Variants in RPP38 observed in about 807,000 individuals in gnomAD.
The protein encoded by RPP38 is ribonuclease P/MRP subunit p38, also known as ribonuclease P protein subunit p38.
In RPP38, 2 loss-of-function variants were observed where a neutral mutation model predicts 1.7. The ratio of observed to expected loss-of-function variants is 1.18; its 90% CI spans 0.48 to 3.70. RPP38 has a LOEUF of 3.70. Ranked by LOEUF, RPP38 falls within the 30% of genes most tolerant of loss-of-function variation. The pLI, the probability that RPP38 is intolerant of heterozygous loss-of-function variation, is 0.07. For synonymous variants in RPP38, 151 were observed against 131.8 expected, an observed-to-expected ratio of 1.15 and a Z score of -1.00; for missense variants, 358 against 340.1, an observed-to-expected ratio of 1.05 and a Z score of -0.41.
chr10:15,101,963 G>C (rs553678071), intron 1 of RPP38, among the ~76,000 whole-genome samples: 30 of 152,262 alleles, frequency 2.0e-4, no homozygotes, highest in African/African-American at 6.3e-4. Context: ...AAGAAATTTA[G>C]GGCCCTGGGA....
intron 1 of RPP38, among the ~76,000 whole-genome samples, chr10:15,101,568 G>A (rs990070750): frequency 1.4e-4 from 22 of 152,252 alleles, no homozygotes; most frequent in Middle Eastern, 3.4e-3. Context: ...GGAATTGCCA[G>A]CCAGAGAAGT....
intron 1 of RPP38, among the ~76,000 whole-genome samples, chr10:15,098,953 G>C (rs921105611): frequency 2.0e-5 from 3 of 150,594 alleles, no homozygotes; most frequent in Non-Finnish European, 4.4e-5. Context: ...AACTAAGCTA[G>C]GCCTCTGCTG....
Position 15,101,756 on chromosome 10 carries a change from G to C in RPP38, c.-129-462G>C, listed in dbSNP as rs550589855. ...AATACAAAAATTAGCCAGGCGTGGT[G>C]TTGGGCACCTATAATCCCAGCTACT... is the stretch of plus-strand genomic sequence containing the variant. On this transcript the variant is annotated intron_variant, in intron 1 of 2. Coordinates refer to ENST00000378197, the MANE Select transcript of RPP38 (RefSeq NM_183005.5). Among the ~76,000 whole-genome samples the C allele has an allele frequency of 3.9e-5, 6 of 152,242 alleles. No individual in the cohort carries two copies. The South Asian group carries it at 1.2e-3, about 32-fold the overall frequency.
At chr10:15,102,514 A>C (rs1845135105) in intron 2 of RPP38, 178 bp downstream of exon 2, 1 of 152,200 alleles carries the variant, frequency 6.6e-6, no homozygotes, top group South Asian at 2.1e-4. Flanking sequence ...AATGCATGGA[A>C]GCCCAACTAG....
chr10:15,102,374 A>G (rs569086308), intron 2 of RPP38, 38 bp downstream of exon 2: 1 of 152,110 alleles, frequency 6.6e-6, no homozygotes, highest in South Asian at 2.1e-4. Flanking sequence ...TATTTTTTGT[A>G]GAGGGTTTCT....
rs139545424 is a variant in RPP38, at chr10:15,102,580, A to C, written c.-11+244A>C. On this transcript the variant is annotated intron_variant, in intron 2 of 2. Coordinates refer to ENST00000378197, the MANE Select transcript of RPP38 (RefSeq NM_183005.5). Reference sequence around the variant, plus strand: ...AAGATTAATACCATACAGTCACTAGAAGGTTAATTATGAACAAGTAGAAAC... The same window carrying C: ...AAGATTAATACCATACAGTCACTAGCAGGTTAATTATGAACAAGTAGAAAC... 88 of 152,330 alleles carry C rather than the reference A, an allele frequency of 5.8e-4. 1 individual carries two copies. The highest frequency in any genetic ancestry group is 2.0e-3 in the African/African-American group (85 of 41,578). The allele number at this position is 152,330 out of a possible 1,614,324, so 9.4% of individuals were successfully genotyped here.
At chr10:15,098,959 T>C (rs1036015393) in intron 1 of RPP38, among the ~76,000 whole-genome samples, 6 of 151,604 alleles carry the variant, frequency 4.0e-5, no homozygotes, top group African/African-American at 1.5e-4. Flanking sequence ...GCTAGGCCTC[T>C]GCTGGATGTT....
chr10:15,104,155 A>C lies in RPP38; in HGVS notation c.841A>C (p.Thr281Pro), dbSNP rs1437437762. The C allele has an allele frequency of 2.6e-6, 4 of 1,564,984 alleles. No individual in the cohort carries two copies. In the East Asian group the frequency reaches 9.0e-5, roughly 35 times the overall value. Residue 281 changes from threonine (T) to proline (P), a missense_variant, in exon 3 of 3, where the codon ACT becomes CCT. By Grantham distance (38) the Thr-to-Pro change is conservative (BLOSUM62 -1). Coordinates refer to ENST00000378197, the MANE Select transcript of RPP38 (RefSeq NM_183005.5). ...IRKPPKSKKA[T>P]PK ...GAAACCACCCAAAAGTAAAAAAGCT[A>C]CTCCAAAGTAATCTTGCATAAACTT...
chr10:15,098,522 A>G (rs1845017097), intron 1 of RPP38, among the ~76,000 whole-genome samples: 1 of 150,146 alleles, frequency 6.7e-6, no homozygotes, highest in South Asian at 2.1e-4. Flanking sequence ...TCGCCAGCCA[A>G]CTTATTTCTT....
At chr10:15,100,719 C>T (rs374570043) in intron 1 of RPP38, among the ~76,000 whole-genome samples, 9 of 150,306 alleles carry the variant, frequency 6.0e-5, no homozygotes, top group African/African-American at 1.7e-4. Flanking sequence ...GTCTTGCTGT[C>T]GCCCAGGCTA....
At chr10:15,101,015 CTTA>C (rs1472362294) in intron 1 of RPP38, among the ~76,000 whole-genome samples, 3 of 152,150 alleles carry the variant, frequency 2.0e-5, no homozygotes, top group African/African-American at 4.8e-5. Flanking sequence ...ATGCCCAGGC[CTTA>C]TTATTGAAGA....
Position 15,097,471 on chromosome 10 carries a change from C to G in RPP38, c.-425C>G, listed in dbSNP as rs533716810. The stretch of plus-strand genomic sequence containing the variant: ...CCCCGGGGGGATCGGGCCCGGGACT[C>G]TGCGGAATCTGGAGGCCGAAGCCCG... On this transcript the variant is annotated 5_prime_UTR_variant, in exon 1 of 3. Coordinates refer to ENST00000378197, the MANE Select transcript of RPP38 (RefSeq NM_183005.5). The G allele has an allele frequency of 6.6e-6, 1 of 152,248 alleles. No individual in the cohort carries two copies. The highest frequency in any genetic ancestry group is 2.4e-5 in the African/African-American group (1 of 41,464). 9.4% of individuals were successfully genotyped at this position (152,248 alleles called of 1,614,324 possible). A position where few individuals can be genotyped will look rare whatever the true frequency, so the allele number is the denominator to read the frequency against.
intron 1 of RPP38, among the ~76,000 whole-genome samples, chr10:15,098,605 C>T (rs531321061): frequency 1.8e-4 from 27 of 150,700 alleles, no homozygotes; most frequent in Non-Finnish European, 3.5e-4. Context: ...TTAAGAGGTC[C>T]GGCCCGGCGC....
chr10:15,104,244 T>A lies in RPP38; in HGVS notation c.*78T>A, dbSNP rs928720101. The A allele has an allele frequency of 7.4e-7, 1 of 1,359,190 alleles. No homozygotes were observed. The highest frequency in any genetic ancestry group is 1.0e-6 in the Non-Finnish European group (1 of 996,824). The allele number at this position is 1,359,190 out of a possible 1,614,324, so 84.2% of individuals were successfully genotyped here. On this transcript the variant is annotated 3_prime_UTR_variant, in exon 3 of 3. Transcript: ENST00000378197. ...AAGCCTTGAAACTAATAAAATGAGT[T>A]ATACTTACATAGATTCATAGGGTCC...
chr10:15,099,719 T>A (rs1845060112), intron 1 of RPP38, among the ~76,000 whole-genome samples: 1 of 152,140 alleles, frequency 6.6e-6, no homozygotes. Flanking sequence ...CCTCAAGTGA[T>A]CTGTCCAGCT....
In RPP38 at chr10:15,099,471, A is replaced by C. The variant is rs1343695113; in HGVS notation, c.-130+1705A>C. Reference sequence around the variant, plus strand: ...ACAAAGCAAGACCTTGTCTCTATAGAATTTCTTTTTTTTTTTTTTTTAAGA... The same window carrying C: ...ACAAAGCAAGACCTTGTCTCTATAGCATTTCTTTTTTTTTTTTTTTTAAGA... On this transcript the variant is annotated intron_variant, in intron 1 of 2. Transcript: ENST00000378197. 2.8e-5 allele frequency among the ~76,000 whole-genome samples: 4 copies of C among 143,932 alleles called. No homozygotes were observed. The East Asian group carries it at 5.9e-4, about 21-fold the overall frequency. The allele number at this position is 143,932 out of a possible 152,430, so 94.4% of individuals were successfully genotyped here. A position where few individuals can be genotyped will look rare whatever the true frequency, so the allele number is the denominator to read the frequency against.
Position 15,104,119 on chromosome 10 carries a change from A to G in RPP38, c.805A>G (p.Asn269Asp), listed in dbSNP as rs1330435131. ...AATAAAGAAACTGATTCCAAACCCT[A>G]ATAAGATAAGGAAACCACCCAAAAG... The part of the protein sequence containing the change: ...LKIKKLIPNP[N>D]KIRKPPKSKK... The change falls in exon 3 of 3, where the codon AAT (asparagine) becomes GAT (aspartate). Residue 269 changes from asparagine (N) to aspartate (D), a missense_variant. Transcript: ENST00000378197. 8.2e-6 allele frequency: 13 copies of G among 1,586,036 alleles called. No homozygotes were observed. Among genetic ancestry groups the G allele is most frequent in the Middle Eastern group, 1.7e-4 (1 of 5,928 alleles).
chr10:15,098,123 C>T (rs1322424301), intron 1 of RPP38, among the ~76,000 whole-genome samples: 2 of 151,798 alleles, frequency 1.3e-5, no homozygotes, highest in African/African-American at 4.8e-5. Flanking sequence ...CACACTGGAA[C>T]GCTTGCAAAG....
At chr10:15,100,190 C>T (rs1012374358) in intron 1 of RPP38, among the ~76,000 whole-genome samples, 8 of 152,180 alleles carry the variant, frequency 5.3e-5, no homozygotes, top group Admixed American at 1.3e-4. Flanking sequence ...TTTGTGATCC[C>T]TCTGGAGCAT....
Sources: gnomAD v4.1 joint callset for allele counts (sites outside exome capture counted in the v4.1 genomes callset) on GRCh38, gnomAD v4.1.1 for gene constraint, MANE v1.5 for transcripts, NCBI Gene and HGNC (gene_info 2026-07-23, HGNC 2026-07-21) for gene names.